Variants in SORD observed in about 807,000 individuals in gnomAD.
The protein encoded by SORD is sorbitol dehydrogenase, also known as (R,R)-butanediol dehydrogenase.
SORD carries 18 observed loss-of-function variants against 35.6 expected under a neutral mutation model. That is an observed-to-expected ratio of 0.51 (90% CI 0.35 to 0.75). The LOEUF is 0.75. Ranked by LOEUF, SORD falls within the 30% of genes least tolerant of loss-of-function variation. The pLI is 0.01. For missense variants in SORD, 250 were observed against 390.2 expected, an observed-to-expected ratio of 0.64 and a Z score of 3.03; for synonymous variants, 106 against 152.9, an observed-to-expected ratio of 0.69 and a Z score of 2.26.
chr15:45,062,017 T>G (rs1378417076), intron 4 of SORD, among the ~76,000 whole-genome samples: 1 of 151,938 alleles, frequency 6.6e-6, no homozygotes, highest in Non-Finnish European at 1.5e-5. Context: ...TTTGGAGAAA[T>G]TATTTCACTT....
chr15:45,071,143 G>A (rs58822790), intron 7 of SORD, among the ~76,000 whole-genome samples: 19,911 of 151,036 alleles, frequency 0.13, 3,147 homozygotes, highest in African/African-American at 0.44. Flanking sequence ...CATATCCTTG[G>A]TGCAGATGCC....
chr15:45,042,325 C>T (rs938331840), intron 2 of SORD: 1 of 152,024 alleles, frequency 6.6e-6, no homozygotes, highest in Admixed American at 6.6e-5. Flanking sequence ...AACCCCGTCT[C>T]TACTAAAACT....
At chr15:45,036,246 A>T in intron 1 of SORD, 1 of 444,428 alleles carries the variant, frequency 2.3e-6, no homozygotes, top group Non-Finnish European at 4.5e-6. Context: ...TGAGACCAAG[A>T]ACCCACCAAT....
At chr15:45,058,344 C>T (rs185985010) in intron 3 of SORD, among the ~76,000 whole-genome samples, 31 of 152,270 alleles carry the variant, frequency 2.0e-4, no homozygotes, top group African/African-American at 6.7e-4. Context: ...AGCTGACATT[C>T]CCAGCACCCA....
chr15:45,066,426 G>A (rs1006442660), intron 5 of SORD, among the ~76,000 whole-genome samples: 1 of 151,886 alleles, frequency 6.6e-6, no homozygotes, highest in Non-Finnish European at 1.5e-5. Context: ...TGATAGTAAA[G>A]GGAAGGGCAA....
intron 3 of SORD, among the ~76,000 whole-genome samples, chr15:45,045,631 T>C (rs1046194627): frequency 6.6e-6 from 1 of 151,768 alleles, no homozygotes; most frequent in Non-Finnish European, 1.5e-5. Context: ...GATAAGTCTG[T>C]GCTACTCAGA....
intron 3 of SORD, chr15:45,047,223 C>G (rs2078179698): frequency 6.6e-6 from 1 of 152,084 alleles, no homozygotes; most frequent in Non-Finnish European, 1.5e-5. Context: ...GCCTTCACCA[C>G]TTATTTTAAT....
intron 3 of SORD, among the ~76,000 whole-genome samples, chr15:45,060,708 G>C (rs568094359): frequency 6.6e-6 from 1 of 150,750 alleles, no homozygotes; most frequent in South Asian, 2.1e-4. Context: ...GAATATACTT[G>C]GCTTGCCTTA....
chr15:45,055,162 G>GT (rs1173129821), intron 3 of SORD, among the ~76,000 whole-genome samples: 14 of 152,110 alleles, frequency 9.2e-5, no homozygotes, highest in Non-Finnish European at 1.3e-4. Flanking sequence ...CTTTAAAATA[G>GT]TTTTTTCCAA....
At position 45,029,509 on chromosome 15, in the gene SORD, A is replaced by G. The variant is rs899803439; in HGVS notation, c.66+6160A>G. Among the ~76,000 whole-genome samples, 4 of 152,262 alleles carry G rather than the reference A, an allele frequency of 2.6e-5. No homozygotes were observed. The East Asian group carries it at 7.7e-4, about 29-fold the overall frequency. ...GAGGGGAATGCAGCAGCACCCAGGT[A>G]AGGGTGTCCATGACCCTGAAGCCCC... On this transcript the variant is annotated intron_variant, in intron 1 of 8. Transcript: ENST00000267814.
At chr15:45,057,488 T>C (rs1566962608) in intron 3 of SORD, among the ~76,000 whole-genome samples, 1 of 152,164 alleles carries the variant, frequency 6.6e-6, no homozygotes, top group African/African-American at 2.4e-5. Flanking sequence ...GTTTTATGAA[T>C]AGAAAGAAAG....
chr15:45,062,070 G>C (rs1316979112), intron 4 of SORD, among the ~76,000 whole-genome samples: 7 of 152,118 alleles, frequency 4.6e-5, no homozygotes, highest in Admixed American at 4.6e-4. Context: ...TATTAAATAA[G>C]GTGATGCATG....
intron 2 of SORD, chr15:45,042,415 C>G (rs1039799609): frequency 6.6e-6 from 1 of 151,914 alleles, no homozygotes; most frequent in African/African-American, 2.4e-5. Context: ...TTGGTTGAAC[C>G]GGGGAGGTGG....
chr15:45,033,342 C>T (rs1406283726), intron 1 of SORD, among the ~76,000 whole-genome samples: 1 of 151,308 alleles, frequency 6.6e-6, no homozygotes, highest in Non-Finnish European at 1.5e-5. Flanking sequence ...CTTTAAATCC[C>T]CCTAGATTAC....
intron 1 of SORD, among the ~76,000 whole-genome samples, chr15:45,030,027 A>G (rs74011324): frequency 0.21 from 31,048 of 150,472 alleles, no homozygotes; most frequent in African/African-American, 0.44. Context: ...AAGGTTAGGT[A>G]TATGTAAAAT....
chr15:45,048,695 C>G (rs1172168821), intron 3 of SORD, among the ~76,000 whole-genome samples: 1 of 151,976 alleles, frequency 6.6e-6, no homozygotes, highest in East Asian at 1.9e-4. Context: ...GTCTCATGAC[C>G]AGGAAAATTA....
intron 3 of SORD, among the ~76,000 whole-genome samples, chr15:45,052,812 A>ACTGGCTGAG (rs1893147548): frequency 6.6e-6 from 1 of 152,260 alleles, no homozygotes; most frequent in South Asian, 2.1e-4. Context: ...AGAAGGCCAA[A>ACTGGCTGAG]CTGGCTGAGC....
chr15:45,038,530 G>A (rs1892911461), intron 1 of SORD, among the ~76,000 whole-genome samples: 1 of 152,132 alleles, frequency 6.6e-6, no homozygotes, highest in African/African-American at 2.4e-5. Flanking sequence ...AACAGAAAGG[G>A]CTCGTAACTT....
At chr15:45,064,263 C>G (rs1893369640) in intron 4 of SORD, among the ~76,000 whole-genome samples, 1 of 152,142 alleles carries the variant, frequency 6.6e-6, no homozygotes, top group Non-Finnish European at 1.5e-5. Context: ...GGAATCAGGA[C>G]ACCTTGGTTA....
Sources: allele counts gnomAD v4.1 joint callset (sites outside exome capture counted in the v4.1 genomes callset), GRCh38; gene constraint gnomAD v4.1.1; transcripts MANE v1.5; gene names NCBI Gene and HGNC (gene_info 2026-07-23, HGNC 2026-07-21).